HPS5: variants seen among roughly 807,000 people sequenced by gnomAD.
The protein encoded by HPS5 is BLOC-2 complex member HPS5.
HPS5 carries 83 observed loss-of-function variants against 128.0 expected under a neutral mutation model. The observed-to-expected ratio is 0.65, with a 90% confidence interval of 0.54 to 0.78. HPS5 has a LOEUF of 0.78. Among genes scored for constraint, HPS5 ranks in the 30% least tolerant of loss-of-function variants. The pLI is 0.00. For missense variants in HPS5, 1,281 were observed against 1,326.2 expected, an observed-to-expected ratio of 0.97 and a Z score of 0.53; for synonymous variants, 475 against 470.2, an observed-to-expected ratio of 1.01 and a Z score of -0.13.
rs113450747 is a variant in HPS5 at position 18,297,908 on chromosome 11, C to T, written c.1165-191G>A. ...AAGCCTGGCCAACATGGTGAAACCC[C>T]GTCTCTACTAAAAATACAAAAATTA... On this transcript the variant is annotated intron_variant, in intron 10 of 22. Transcript: ENST00000349215. 2.6e-5 allele frequency among the ~76,000 whole-genome samples: 4 copies of T among 151,834 alleles called. No individual in the cohort carries two copies. The East Asian group carries it at 7.7e-4, about 29-fold the overall frequency.
chr11:18,290,349 C>G (rs577972313), intron 16 of HPS5, among the ~76,000 whole-genome samples: 2 of 152,276 alleles, frequency 1.3e-5, no homozygotes, highest in South Asian at 4.1e-4. Context: ...AGCAGTTTAG[C>G]TACCTAAGAT....
At chr11:18,296,712 T>G (rs775498274) in intron 12 of HPS5, 86 bp downstream of exon 12, 18 of 1,224,364 alleles carry the variant, frequency 1.5e-5, no homozygotes, top group Non-Finnish European at 2.1e-5. Context: ...TTCAGAGAAA[T>G]TCCGTGCACA....
At chr11:18,296,299 C>T in intron 12 of HPS5, 177 bp from the exon 13 acceptor site, 1 of 640,574 alleles carries the variant, frequency 1.6e-6, no homozygotes, top group Admixed American at 2.8e-5. Flanking sequence ...ATGGGATGGT[C>T]CACATAAAAC....
At chr11:18,311,282 G>C (rs959917597) in intron 4 of HPS5, 105 bp downstream of exon 4, 1 of 838,008 alleles carries the variant, frequency 1.2e-6, no homozygotes, top group Non-Finnish European at 2.0e-6. Flanking sequence ...TGTTAAAACC[G>C]GGACAATCCT....
chr11:18,297,033 A>G (rs753868239), intron 11 of HPS5, 49 bp from the exon 12 acceptor site: 8 of 1,161,006 alleles, frequency 6.9e-6, no homozygotes, highest in African/African-American at 1.5e-5. Flanking sequence ...AATTTCCTTT[A>G]TAACGTTAAT....
intron 2 of HPS5, among the ~76,000 whole-genome samples, chr11:18,316,725 T>C (rs756663941): frequency 6.6e-6 from 1 of 152,240 alleles, no homozygotes; most frequent in African/African-American, 2.4e-5. Flanking sequence ...GGGAATGCTC[T>C]GGAAAACAAG....
intron 5 of HPS5, among the ~76,000 whole-genome samples, chr11:18,310,309 G>A (rs1862822419): frequency 6.6e-6 from 1 of 152,114 alleles, no homozygotes; most frequent in South Asian, 2.1e-4. Context: ...TATCCATCCT[G>A]ATAAAAAATA....
At chr11:18,307,265 T>C (rs1328203548) in intron 6 of HPS5, among the ~76,000 whole-genome samples, 1 of 152,234 alleles carries the variant, frequency 6.6e-6, no homozygotes, top group African/African-American at 2.4e-5. Context: ...AGTGATCTAA[T>C]ATGCTCTCTA....
At chr11:18,306,455 C>A in intron 6 of HPS5, 108 bp from the exon 7 acceptor site, 1 of 706,836 alleles carries the variant, frequency 1.4e-6, no homozygotes, top group Non-Finnish European at 2.5e-6. Flanking sequence ...AATGCCTTCT[C>A]CTTCATTCAT....
At chr11:18,284,215 C>T (rs1323299377) in intron 20 of HPS5, among the ~76,000 whole-genome samples, 2 of 151,548 alleles carry the variant, frequency 1.3e-5, no homozygotes, top group Non-Finnish European at 2.9e-5. Context: ...CATTTGAGGC[C>T]AAGCTCCAAT....
In HPS5 at chr11:18,295,853, T is replaced by C. The variant is rs1590084264; in HGVS notation, c.1634+146A>G. 4.7e-6 allele frequency: 4 copies of C among 842,876 alleles called. No individual in the cohort carries two copies. In the East Asian group the frequency reaches 8.0e-5, roughly 17 times the overall value. 52.2% of individuals were successfully genotyped at this position (842,876 alleles called of 1,614,324 possible). ...GAAGCTAGACTCTCCCCAAGGTAAATGAGAAGTTAATAGCTCCATATGACA... is the reference window on the plus strand; with the variant it reads ...GAAGCTAGACTCTCCCCAAGGTAAACGAGAAGTTAATAGCTCCATATGACA... On this transcript the variant is annotated intron_variant, in intron 13 of 22. Transcript: ENST00000349215.
intron 8 of HPS5, among the ~76,000 whole-genome samples, chr11:18,304,827 T>C (rs1322406657): frequency 3.3e-5 from 5 of 152,248 alleles, no homozygotes; most frequent in Admixed American, 2.6e-4. Flanking sequence ...CTCTTGCTCT[T>C]GCAGAACAAG....
intron 14 of HPS5, among the ~76,000 whole-genome samples, chr11:18,293,688 G>T (rs376716067): frequency 6.6e-6 from 1 of 152,090 alleles, no homozygotes; most frequent in African/African-American, 2.4e-5. Context: ...CAGAGAAGAA[G>T]AAATAATTTT....
Position 18,296,681 on chromosome 11 carries a change from C to T in HPS5, c.1510+117G>A, listed in dbSNP as rs141955489. The T allele has an allele frequency of 5.0e-4, 470 of 941,554 alleles. 8 individuals are homozygous for T. The East Asian group carries it at 0.011, about 22-fold the overall frequency. 58.3% of individuals were successfully genotyped at this position (941,554 alleles called of 1,614,324 possible). ...AGATCTGGATGGAAAGTTCTATCAA[C>T]ATGTTAAAAATTATTAACACTTCAG... On this transcript the variant is annotated intron_variant, in intron 12 of 22. Transcript: ENST00000349215.
At position 18,279,523 on chromosome 11, in the gene HPS5, G is replaced by T; in HGVS notation, c.*359C>A. The T allele has an allele frequency of 3.8e-6, 1 of 259,822 alleles. No homozygotes were observed. Among genetic ancestry groups the T allele is most frequent in the Non-Finnish European group, 7.5e-6 (1 of 133,308 alleles). The allele number at this position is 259,822 out of a possible 1,614,324, so 16.1% of individuals were successfully genotyped here. ...GATGAAAAGCTTCTGCTCCCAACAT[G>T]GAAGCCACAGTAAGAAAAGAATCTG... is the stretch of plus-strand genomic sequence containing the variant. On this transcript the variant is annotated 3_prime_UTR_variant, in exon 23 of 23. Coordinates refer to ENST00000349215, the MANE Select transcript of HPS5 (RefSeq NM_181507.2).
At chr11:18,303,615 A>T (rs1182036536) in intron 8 of HPS5, among the ~76,000 whole-genome samples, 1 of 152,120 alleles carries the variant, frequency 6.6e-6, no homozygotes, top group Non-Finnish European at 1.5e-5. Flanking sequence ...TACTTTGGGA[A>T]GCCGATGCAG....
At chr11:18,314,824 C>CT (rs1342075883) in intron 2 of HPS5, among the ~76,000 whole-genome samples, 1 of 152,150 alleles carries the variant, frequency 6.6e-6, no homozygotes, top group Non-Finnish European at 1.5e-5. Context: ...ACTCAGCCTT[C>CT]TGAGTAGCTG....
chr11:18,322,168 C>T (rs143303017), upstream of HPS5: 1 of 152,360 alleles, frequency 6.6e-6, no homozygotes. Context: ...TTCAGTCTCC[C>T]CTCGCGTTCC....
At chr11:18,320,336 A>T (rs1388025340) in intron 1 of HPS5, among the ~76,000 whole-genome samples, 1 of 152,218 alleles carries the variant, frequency 6.6e-6, no homozygotes, top group African/African-American at 2.4e-5. Flanking sequence ...AAAAAGATTC[A>T]TAGGTAATTC....
Sources: allele counts gnomAD v4.1 joint callset (sites outside exome capture counted in the v4.1 genomes callset), GRCh38; gene constraint gnomAD v4.1.1; transcripts MANE v1.5; gene names NCBI Gene and HGNC (gene_info 2026-07-23, HGNC 2026-07-21).